TENM1: variants seen among roughly 807,000 people sequenced by gnomAD.
TENM1 encodes the protein teneurin transmembrane protein 1.
In TENM1, 35 loss-of-function variants were observed where a neutral mutation model predicts 174.8. That is an observed-to-expected ratio of 0.20 (90% CI 0.15 to 0.27). The LOEUF (loss-of-function observed/expected upper bound fraction) is 0.27, where lower values mean the gene tolerates loss of function less well. Among genes scored for constraint, TENM1 ranks in the 10% least tolerant of loss-of-function variants. The probability of loss-of-function intolerance (pLI) is 1.00; values close to 1 mark genes in which losing one functional copy is unlikely to be tolerated. For missense variants in TENM1, 1,633 were observed against 2,130.1 expected (o/e 0.77, Z 4.59); for synonymous variants, 781 against 798.7 (o/e 0.98, Z 0.37).
exon 18 of TENM1, chrX:124,520,572 A>C (rs201635271): frequency 8.3e-7 from 1 of 1,209,768 alleles, no homozygotes; most frequent in African/African-American, 1.7e-5. Context: ...TCTTGTTCCA[A>C]GCAAATGTGT....
At chrX:124,391,910 A>G (rs1242447365) in intron 28 of TENM1, 142 bp downstream of exon 31, 1 of 514,298 alleles carries the variant, frequency 1.9e-6, no homozygotes, top group Non-Finnish European at 3.1e-6. Context: ...TAAGTTCAAC[A>G]TCTTTTTGTT....
chrX:124,683,450 T>C (rs1253497932), intron 5 of TENM1, among the ~76,000 whole-genome samples: 1 of 112,062 alleles, frequency 8.9e-6, no homozygotes, highest in Non-Finnish European at 1.9e-5. Flanking sequence ...AACCCGTTAC[T>C]TTTGCATAGG....
the TENM1 span, among the ~76,000 whole-genome samples, chrX:124,994,868 C>A: frequency 1.8e-5 from 2 of 111,146 alleles, no homozygotes; most frequent in South Asian, 7.5e-4. Context: ...AAATTCAAAT[C>A]TTATCCATCA....
exon 7 of TENM1, chrX:124,653,770 T>C: frequency 8.3e-7 from 1 of 1,207,517 alleles, no homozygotes; most frequent in Non-Finnish European, 1.1e-6. Context: ...CTATCGCCCG[T>C]CCCTTCTGAA....
the TENM1 span, among the ~76,000 whole-genome samples, chrX:125,109,770 T>TA: frequency 1.8e-5 from 2 of 111,585 alleles, no homozygotes; most frequent in Middle Eastern, 4.6e-3. Context: ...TGAGTTCTGT[T>TA]AGAGAAACAC....
chrX:124,759,258 G>A (rs1476044332), intron 3 of TENM1, among the ~76,000 whole-genome samples: 1 of 111,584 alleles, frequency 9.0e-6, no homozygotes, highest in Non-Finnish European at 1.9e-5. Flanking sequence ...CACAGATTTT[G>A]CTGGTAACCC....
intron 18 of TENM1, among the ~76,000 whole-genome samples, chrX:124,518,280 C>T (rs754854124): frequency 4.5e-5 from 5 of 110,375 alleles, no homozygotes; most frequent in Admixed American, 9.7e-5. Flanking sequence ...GATGGTGCCA[C>T]TCATTGACCA....
chrX:124,628,591 T>C (rs1294522043), intron 11 of TENM1, among the ~76,000 whole-genome samples: 1 of 111,519 alleles, frequency 9.0e-6, no homozygotes, highest in Non-Finnish European at 1.9e-5. Context: ...GAGAAGTGTC[T>C]CATTGGTTTC....
At position 124,633,132 on chromosome X, in the gene TENM1, A is replaced by G. The variant is rs977756678; in HGVS notation, c.2077+8659T>C. Among the ~76,000 whole-genome samples, 28 of 112,335 alleles carry G rather than the reference A, an allele frequency of 2.5e-4. No individual in the cohort carries two copies. In the Admixed American group the frequency reaches 2.6e-3, roughly 11 times the overall value. ...TATAGCTAAAAATGAATTGAGAAAA[A>G]TGACAAATAGCCAGTGAATCTAGAA... On this transcript the variant is annotated intron_variant, in intron 11 of 31. Coordinates refer to ENST00000422452, the Ensembl canonical transcript of TENM1.
At chrX:124,611,922 G>A (rs1233045687) in intron 11 of TENM1, among the ~76,000 whole-genome samples, 2 of 112,153 alleles carry the variant, frequency 1.8e-5, no homozygotes, top group Non-Finnish European at 3.8e-5. Context: ...TTAGTACTAA[G>A]CAACTTGACT....
the TENM1 span, among the ~76,000 whole-genome samples, chrX:125,130,233 T>C: frequency 0.013 from 1,453 of 109,956 alleles, 28 homozygotes; most frequent in African/African-American, 0.046. Flanking sequence ...AAAGATGTAC[T>C]TGTAGAGGCA....
At chrX:124,974,432 C>A in the TENM1 span, among the ~76,000 whole-genome samples, 1 of 111,699 alleles carries the variant, frequency 9.0e-6, no homozygotes, top group Non-Finnish European at 1.9e-5. Flanking sequence ...GTCCATCCTG[C>A]AAAAATATTC....
chrX:124,703,340 T>C (rs1426164458), intron 5 of TENM1, among the ~76,000 whole-genome samples: 1 of 112,257 alleles, frequency 8.9e-6, no homozygotes, highest in East Asian at 2.8e-4. Flanking sequence ...TTGAAATAAC[T>C]GAAATGTTCC....
At chrX:124,627,328 G>C (rs1486567026) in intron 11 of TENM1, among the ~76,000 whole-genome samples, 1 of 112,018 alleles carries the variant, frequency 8.9e-6, no homozygotes, top group African/African-American at 3.2e-5. Context: ...AAAAAATTCT[G>C]GCCAAGTTAA....
rs779836236 is a variant in TENM1, at chrX:124,380,878, C to G, written c.7857G>C (p.Leu2619Phe). 3 of 1,211,729 alleles carry G rather than the reference C, an allele frequency of 2.5e-6. No homozygotes were observed. The East Asian group carries it at 8.9e-5, about 36-fold the overall frequency. Residue 2619 changes from leucine (L) to phenylalanine (F), a missense_variant, in exon 32 of 32, where the codon TTG (leucine) becomes TTC (phenylalanine). By Grantham distance (22) the Leu-to-Phe change is conservative. Around this residue, in one of 4 missense-constraint regions of TENM1, gnomAD observed 807 missense variants for 1,125.3 expected, o/e 0.72. Coordinates refer to ENST00000422452, the Ensembl canonical transcript of TENM1. ...CTGCAAACCGTCTAGTCCTCCCATTCAACACAGAAGTCATCTGGGACACAG... is the reference window on the plus strand; with the variant it reads ...CTGCAAACCGTCTAGTCCTCCCATTGAACACAGAAGTCATCTGGGACACAG...
intron 3 of TENM1, among the ~76,000 whole-genome samples, chrX:124,816,950 A>G (rs1381009568): frequency 9.0e-6 from 1 of 110,774 alleles, no homozygotes; most frequent in Non-Finnish European, 1.9e-5. Flanking sequence ...CAGTTTTGTT[A>G]CATAGGTATA....
chrX:124,663,441 C>T (rs900928291), intron 6 of TENM1, among the ~76,000 whole-genome samples: 7 of 111,789 alleles, frequency 6.3e-5, no homozygotes, highest in African/African-American at 2.3e-4. Context: ...TTGGACTCCA[C>T]AAAAAAGGCT....
At chrX:124,573,603 C>T (rs2049103945) in intron 11 of TENM1, among the ~76,000 whole-genome samples, 1 of 111,728 alleles carries the variant, frequency 9.0e-6, no homozygotes, top group Non-Finnish European at 1.9e-5. Flanking sequence ...TTACACAATA[C>T]CCTCCACAGA....
chrX:124,833,686 T>G (rs2056335737), intron 3 of TENM1, among the ~76,000 whole-genome samples: 2 of 111,724 alleles, frequency 1.8e-5, no homozygotes, highest in Admixed American at 9.6e-5. Flanking sequence ...CTCTTATTAC[T>G]GAGAAACAAG....
Sources: gnomAD v4.1 joint callset for allele counts (sites outside exome capture counted in the v4.1 genomes callset) on GRCh38, gnomAD v4.1.1 for gene constraint, gnomAD v4.1.1 regional missense constraint, MANE v1.5 for transcripts, NCBI Gene and HGNC (gene_info 2026-07-23, HGNC 2026-07-21) for gene names.